The following RFX7 variants were observed in gnomAD, a reference collection of about 807,000 sequenced individuals.
The protein encoded by RFX7 is regulatory factor X7.
Under a neutral mutation model 111.8 loss-of-function variants are expected in RFX7, and 26 were observed. The observed-to-expected ratio is 0.23, with a 90% CI of 0.17 to 0.32. The LOEUF (loss-of-function observed/expected upper bound fraction) is 0.32, where lower values mean the gene tolerates loss of function less well. Among genes scored for constraint, RFX7 ranks in the 10% least tolerant of loss-of-function variants. The pLI is 1.00. For missense variants in RFX7, 1,573 were observed against 1,772.9 expected, an observed-to-expected ratio of 0.89 and a Z score of 2.02; for synonymous variants, 624 against 624.4, an observed-to-expected ratio of 1.00 and a Z score of 0.01.
chr15:56,109,620 C>T (rs1595930734), intron 5 of RFX7, among the ~76,000 whole-genome samples: 1 of 152,082 alleles, frequency 6.6e-6, no homozygotes, highest in African/African-American at 2.4e-5. Context: ...TTCCCTGCCG[C>T]CATCCCATCT....
chr15:56,131,408 C>T (rs900074726), intron 5 of RFX7, among the ~76,000 whole-genome samples: 5 of 150,354 alleles, frequency 3.3e-5, no homozygotes, highest in Non-Finnish European at 3.0e-5. Flanking sequence ...CTAGCACTAC[C>T]GGTGCATGCC....
intron 3 of RFX7, among the ~76,000 whole-genome samples, chr15:56,153,597 T>G (rs1489883622): frequency 6.6e-6 from 1 of 152,162 alleles, no homozygotes. Context: ...ATTCACCCCT[T>G]CATGCTAAAA....
At chr15:56,115,970 T>C (rs72736484) in intron 5 of RFX7, among the ~76,000 whole-genome samples, 1 of 151,766 alleles carries the variant, frequency 6.6e-6, no homozygotes, top group African/African-American at 2.4e-5. Flanking sequence ...TTTAACTGCA[T>C]ATAAAATGTC....
intron 5 of RFX7, among the ~76,000 whole-genome samples, chr15:56,112,104 C>T (rs1215830626): frequency 6.9e-6 from 1 of 145,198 alleles, no homozygotes; most frequent in Non-Finnish European, 1.5e-5. Context: ...AATAGAGGGA[C>T]ACTTTGCCCC....
chr15:56,166,016 C>T (rs2042778025), intron 3 of RFX7, among the ~76,000 whole-genome samples: 1 of 152,132 alleles, frequency 6.6e-6, no homozygotes, highest in South Asian at 2.1e-4. Context: ...GATATTCCCA[C>T]CTCAGCCTCC....
chr15:56,230,957 G>A (rs537747846), intron 2 of RFX7, among the ~76,000 whole-genome samples: 66 of 152,306 alleles, frequency 4.3e-4, no homozygotes, highest in Admixed American at 3.5e-3. Flanking sequence ...AATTAGCTGG[G>A]TGTGGTGGTG....
Position 56,092,341 on chromosome 15 carries a change from A to C in RFX7, c.*1004T>G, listed in dbSNP as rs1674130047. ...AGGGATCCTATGATCAAACTACATT[A>C]CTATATTCAGGAGGAGTGAGGGAGT... On this transcript the variant is annotated 3_prime_UTR_variant, in exon 10 of 10. Coordinates refer to ENST00000559447, the MANE Select transcript of RFX7 (RefSeq NM_022841.7). 1 of 152,502 alleles carries C rather than the reference A, an allele frequency of 6.6e-6. No homozygotes were observed. Among genetic ancestry groups the C allele is most frequent in the African/African-American group, 2.4e-5 (1 of 41,436 alleles). 9.4% of individuals were successfully genotyped at this position (152,502 alleles called of 1,614,324 possible). A position where few individuals can be genotyped will look rare whatever the true frequency, so the allele number is the denominator to read the frequency against.
chr15:56,139,647 C>T (rs376246230), intron 5 of RFX7, among the ~76,000 whole-genome samples: 8 of 152,330 alleles, frequency 5.3e-5, no homozygotes, highest in South Asian at 2.1e-4. Flanking sequence ...AGCTTTGTTC[C>T]GTTGCTGGTG....
intron 2 of RFX7, among the ~76,000 whole-genome samples, chr15:56,206,184 A>G (rs1380891863): frequency 6.6e-6 from 1 of 152,222 alleles, no homozygotes; most frequent in African/African-American, 2.4e-5. Flanking sequence ...GAAGCAATGC[A>G]TGTGTCTATT....
At chr15:56,125,494 CTT>C (rs368638842) in intron 5 of RFX7, among the ~76,000 whole-genome samples, 108 of 151,856 alleles carry the variant, frequency 7.1e-4, no homozygotes, top group African/African-American at 2.5e-3. Flanking sequence ...CATGGGATGT[CTT>C]TTCATTTATT....
chr15:56,127,364 A>G (rs545227691), intron 5 of RFX7, among the ~76,000 whole-genome samples: 1 of 151,446 alleles, frequency 6.6e-6, no homozygotes, highest in African/African-American at 2.4e-5. Flanking sequence ...GCCTACATTA[A>G]AAAAGAAGAA....
intron 2 of RFX7, among the ~76,000 whole-genome samples, chr15:56,184,777 C>T (rs1038897489): frequency 1.3e-5 from 2 of 152,118 alleles, no homozygotes; most frequent in African/African-American, 4.8e-5. Flanking sequence ...TTGTCATTCA[C>T]GTTGCTTTAT....
intron 5 of RFX7, among the ~76,000 whole-genome samples, chr15:56,113,889 T>A (rs530412738): frequency 6.6e-6 from 1 of 152,300 alleles, no homozygotes; most frequent in African/African-American, 2.4e-5. Context: ...CCCAAAGACA[T>A]GGTAGAATTA....
chr15:56,136,752 T>G (rs1287804648), intron 5 of RFX7, among the ~76,000 whole-genome samples: 2 of 143,248 alleles, frequency 1.4e-5, no homozygotes, highest in Non-Finnish European at 3.1e-5. Context: ...TGGCTGTGGG[T>G]TTGTCATAGA....
chr15:56,181,978 T>A (rs889601992), intron 2 of RFX7, among the ~76,000 whole-genome samples: 3 of 152,044 alleles, frequency 2.0e-5, no homozygotes. Context: ...ACTGTGCATG[T>A]GAGGGATCAA....
intron 3 of RFX7, among the ~76,000 whole-genome samples, chr15:56,155,778 G>A (rs2042644396): frequency 6.6e-6 from 1 of 150,798 alleles, no homozygotes; most frequent in Non-Finnish European, 1.5e-5. Flanking sequence ...AAAAAATGTG[G>A]AAACAAGAAA....
Position 56,087,309 on chromosome 15 carries a change from C to T in RFX7, c.*6036G>A, listed in dbSNP as rs2041539373. 5.4e-6 allele frequency: 2 copies of T among 373,710 alleles called. No homozygotes were observed. The highest frequency in any genetic ancestry group is 2.0e-5 in the South Asian group (1 of 50,534). 23.1% of individuals were successfully genotyped at this position (373,710 alleles called of 1,614,324 possible). ...AGTTAAACCAGAAAGACATTTATTT[C>T]TCTCATGTAAAACACATCCAGAGGT... On this transcript the variant is annotated 3_prime_UTR_variant, in exon 10 of 10. Transcript: ENST00000559447.
chr15:56,110,325 G>GT (rs1457360681), intron 5 of RFX7, among the ~76,000 whole-genome samples: 1 of 107,898 alleles, frequency 9.3e-6, no homozygotes, highest in African/African-American at 3.3e-5. Context: ...GGTGGGGGGG[G>GT]GGTCAGCCCC....
intron 3 of RFX7, among the ~76,000 whole-genome samples, chr15:56,155,616 G>C (rs1162255395): frequency 6.6e-6 from 1 of 152,268 alleles, no homozygotes; most frequent in East Asian, 1.9e-4. Flanking sequence ...GCCCGTCGGC[G>C]GGTGTGGGGC....
Sources: gnomAD v4.1 joint callset for allele counts (sites outside exome capture counted in the v4.1 genomes callset) on GRCh38, gnomAD v4.1.1 for gene constraint, MANE v1.5 for transcripts, NCBI Gene and HGNC (gene_info 2026-07-23, HGNC 2026-07-21) for gene names.